CDKAL1: variants seen among roughly 807,000 people sequenced by gnomAD.
CDKAL1 encodes threonylcarbamoyladenosine tRNA methylthiotransferase.
Under a neutral mutation model 68.2 loss-of-function variants are expected in CDKAL1, and 32 were observed. The observed-to-expected ratio is 0.47, with a 90% confidence interval of 0.35 to 0.63. The LOEUF is 0.63. CDKAL1 is among the 30% of genes least tolerant of loss of function. The pLI, the probability that CDKAL1 is intolerant of heterozygous loss-of-function variation, is 0.00. For missense variants in CDKAL1, 606 were observed against 696.7 expected, an observed-to-expected ratio of 0.87 and a Z score of 1.47; for synonymous variants, 234 against 244.3, an observed-to-expected ratio of 0.96 and a Z score of 0.39.
intron 5 of CDKAL1, among the ~76,000 whole-genome samples, chr6:20,662,279 C>T (rs1171904986): frequency 6.6e-6 from 1 of 152,076 alleles, no homozygotes; most frequent in Admixed American, 6.6e-5. Flanking sequence ...TATGGTTACA[C>T]TTAGGTGTCG....
chr6:20,634,175 G>C (rs893782060), intron 4 of CDKAL1, among the ~76,000 whole-genome samples: 8 of 152,076 alleles, frequency 5.3e-5, no homozygotes, highest in African/African-American at 1.9e-4. Context: ...GCTAGTGAGT[G>C]GTTTTCTCTT....
At chr6:21,163,653 A>C (rs1232367204) in intron 13 of CDKAL1, among the ~76,000 whole-genome samples, 1 of 152,170 alleles carries the variant, frequency 6.6e-6, no homozygotes, top group African/African-American at 2.4e-5. Flanking sequence ...GTAGTCTTGA[A>C]ATAATGCTGT....
intron 9 of CDKAL1, among the ~76,000 whole-genome samples, chr6:20,846,901 T>C (rs1345925425): frequency 6.6e-6 from 1 of 152,248 alleles, no homozygotes; most frequent in African/African-American, 2.4e-5. Context: ...GGTGTGTTTT[T>C]ACTCCCAACA....
chr6:20,864,373 G>A (rs1759796898), intron 9 of CDKAL1, among the ~76,000 whole-genome samples: 1 of 152,058 alleles, frequency 6.6e-6, no homozygotes, highest in Admixed American at 6.5e-5. Flanking sequence ...TAGCACATTA[G>A]CCAAGGTTAG....
At chr6:20,771,183 G>T (rs1774924176) in intron 7 of CDKAL1, among the ~76,000 whole-genome samples, 2 of 152,144 alleles carry the variant, frequency 1.3e-5, no homozygotes, top group Non-Finnish European at 2.9e-5. Flanking sequence ...AGTTATGCAT[G>T]TACATTAATA....
chr6:20,682,092 C>A (rs550445656), intron 5 of CDKAL1, among the ~76,000 whole-genome samples: 14 of 152,306 alleles, frequency 9.2e-5, no homozygotes, highest in African/African-American at 3.4e-4. Context: ...GACCTAATCA[C>A]CTCTCAGGAG....
intron 4 of CDKAL1, among the ~76,000 whole-genome samples, chr6:20,549,307 CA>C (rs1270126676): frequency 6.6e-6 from 1 of 152,044 alleles, no homozygotes; most frequent in African/African-American, 2.4e-5. Flanking sequence ...GGGTTTTTGG[CA>C]AGCAGAGAAC....
intron 6 of CDKAL1, 87 bp from the exon 7 acceptor site, chr6:20,758,508 G>A (rs1373565895): frequency 5.6e-6 from 6 of 1,062,864 alleles, no homozygotes; most frequent in African/African-American, 3.2e-5. Context: ...CTTAGAAAAT[G>A]TGTAACATTG....
At chr6:21,154,544 T>G (rs987723870) in intron 13 of CDKAL1, among the ~76,000 whole-genome samples, 12 of 152,252 alleles carry the variant, frequency 7.9e-5, no homozygotes, top group Non-Finnish European at 5.9e-5. Context: ...TTGCTTAGTT[T>G]CTGAAGCAAT....
chr6:20,577,410 G>T (rs142521436), intron 4 of CDKAL1, among the ~76,000 whole-genome samples: 75 of 152,288 alleles, frequency 4.9e-4, no homozygotes, highest in African/African-American at 1.7e-3. Flanking sequence ...GACTTCAAAA[G>T]AAATCTTTCC....
intron 4 of CDKAL1, among the ~76,000 whole-genome samples, chr6:20,550,192 G>A (rs1763764037): frequency 6.7e-6 from 1 of 149,922 alleles, no homozygotes; most frequent in Non-Finnish European, 1.5e-5. Context: ...TAGCCAGGCT[G>A]GTCTAGACCT....
intron 5 of CDKAL1, among the ~76,000 whole-genome samples, chr6:20,683,378 AATATAG>A (rs939391752): frequency 1.6e-4 from 25 of 152,274 alleles, no homozygotes; most frequent in African/African-American, 5.3e-4. Context: ...TTATTGTGTT[AATATAG>A]ATCCATTAGA....
intron 12 of CDKAL1, among the ~76,000 whole-genome samples, chr6:21,079,070 GC>G (rs1772239101): frequency 6.6e-6 from 1 of 152,134 alleles, no homozygotes; most frequent in Non-Finnish European, 1.5e-5. Flanking sequence ...TGTTACAGGG[GC>G]GGCGTGGGAC....
In CDKAL1 at chr6:20,645,846, A is replaced by G. The variant is rs147605460; in HGVS notation, c.287-3447A>G. On this transcript the variant is annotated intron_variant, in intron 4 of 15. Transcript: ENST00000274695. ...TTAAATGTGTTTGTTAAACGCTAAGACAGAAACATACACATGAGCCTAGGC... is the reference window on the plus strand; with the variant it reads ...TTAAATGTGTTTGTTAAACGCTAAGGCAGAAACATACACATGAGCCTAGGC... 1.6e-3 allele frequency among the ~76,000 whole-genome samples: 241 copies of G among 151,678 alleles called. 2 individuals carry two copies. Among genetic ancestry groups the G allele is most frequent in the African/African-American group, 5.5e-3 (227 of 41,372 alleles).
intron 1 of CDKAL1, 61 bp from the exon 2 acceptor site, chr6:20,535,290 T>G (rs865922769): frequency 3.5e-4 from 53 of 152,504 alleles, no homozygotes; most frequent in African/African-American, 1.2e-3. Context: ...TAAAGAATCC[T>G]TACAGTGGTT....
At chr6:20,932,674 C>T (rs1479744153) in intron 9 of CDKAL1, among the ~76,000 whole-genome samples, 1 of 152,102 alleles carries the variant, frequency 6.6e-6, no homozygotes, top group Non-Finnish European at 1.5e-5. Context: ...CCCCTAACAC[C>T]AAATTCCAGA....
chr6:20,629,916 C>T (rs947225196), intron 4 of CDKAL1, among the ~76,000 whole-genome samples: 12 of 152,048 alleles, frequency 7.9e-5, no homozygotes, highest in African/African-American at 2.2e-4. Context: ...TGCAGCGGCA[C>T]GATCTTGGAT....
intron 8 of CDKAL1, among the ~76,000 whole-genome samples, chr6:20,787,256 C>T (rs1206449504): frequency 6.6e-6 from 1 of 152,012 alleles, no homozygotes; most frequent in African/African-American, 2.4e-5. Flanking sequence ...AATTTATTAT[C>T]ATTTTAAAAA....
intron 11 of CDKAL1, among the ~76,000 whole-genome samples, chr6:21,059,049 C>G (rs372633074): frequency 6.6e-6 from 1 of 152,208 alleles, no homozygotes; most frequent in Admixed American, 6.5e-5. Flanking sequence ...TTGCAGCTGC[C>G]CCTCCCCTCA....
Sources: allele counts gnomAD v4.1 joint callset (sites outside exome capture counted in the v4.1 genomes callset), GRCh38; gene constraint gnomAD v4.1.1; transcripts MANE v1.5; gene names NCBI Gene and HGNC (gene_info 2026-07-23, HGNC 2026-07-21).